Variants in GABRB1 observed in about 807,000 individuals in gnomAD.
The protein encoded by GABRB1 is gamma-aminobutyric acid receptor subunit beta-1.
In GABRB1, 17 loss-of-function variants were observed where a neutral mutation model predicts 51.6. The observed-to-expected ratio is 0.33, with a 90% CI of 0.23 to 0.49. The LOEUF is 0.49. Ranked by LOEUF, GABRB1 falls within the 20% of genes least tolerant of loss-of-function variation. The pLI is 0.99. For missense variants in GABRB1, 410 were observed against 600.6 expected (o/e 0.68, Z 3.32); for synonymous variants, 247 against 218.9 (o/e 1.13, Z -1.14).
intron 3 of GABRB1, among the ~76,000 whole-genome samples, chr4:47,123,812 T>A (rs28415971): frequency 1.1e-5 from 1 of 90,778 alleles, no homozygotes; most frequent in African/African-American, 4.5e-5. Flanking sequence ...TATCATATAT[T>A]ATATATTATA....
intron 1 of GABRB1, among the ~76,000 whole-genome samples, chr4:47,019,481 A>G (rs951069293): frequency 1.7e-5 from 2 of 114,950 alleles, no homozygotes; most frequent in Non-Finnish European, 4.0e-5. Flanking sequence ...GGCTTGAACA[A>G]TGGAAATTTA....
chr4:47,230,507 A>C (rs778660453), intron 4 of GABRB1, among the ~76,000 whole-genome samples: 5 of 152,192 alleles, frequency 3.3e-5, no homozygotes, highest in Non-Finnish European at 7.3e-5. Context: ...GGAAGGGCTA[A>C]AAATTCAGTA....
chr4:47,378,567 C>T (rs990449786), intron 5 of GABRB1, among the ~76,000 whole-genome samples: 7 of 152,206 alleles, frequency 4.6e-5, no homozygotes, highest in Admixed American at 1.3e-4. Context: ...GCAGAGGAGG[C>T]GCCGAGAGCC....
chr4:47,067,286 A>T (rs1353259757), intron 3 of GABRB1, among the ~76,000 whole-genome samples: 1 of 152,184 alleles, frequency 6.6e-6, no homozygotes, highest in African/African-American at 2.4e-5. Flanking sequence ...GGATTTTCAG[A>T]ATGGTAAATA....
chr4:47,116,267 T>C (rs1458651363), intron 3 of GABRB1, among the ~76,000 whole-genome samples: 1 of 152,124 alleles, frequency 6.6e-6, no homozygotes, highest in Non-Finnish European at 1.5e-5. Flanking sequence ...GCTAGTGAAG[T>C]ATTTGGAGGT....
intron 8 of GABRB1, among the ~76,000 whole-genome samples, chr4:47,409,598 G>T (rs1028293097): frequency 6.6e-6 from 1 of 152,158 alleles, no homozygotes; most frequent in Non-Finnish European, 1.5e-5. Context: ...CAGTATGGGG[G>T]GCATGGTGGG....
chr4:47,032,950 G>C, intron 3 of GABRB1: 3 of 351,856 alleles, frequency 8.5e-6, no homozygotes, highest in South Asian at 6.3e-5. Flanking sequence ...GCCACCGAGA[G>C]CACAGTCTGG....
chr4:47,095,436 C>T (rs758402432), intron 3 of GABRB1, among the ~76,000 whole-genome samples: 7 of 152,262 alleles, frequency 4.6e-5, no homozygotes, highest in African/African-American at 1.2e-4. Context: ...ATAATGGCTA[C>T]GTCTGCGAAG....
At chr4:47,298,082 G>A (rs1370459131) in intron 4 of GABRB1, among the ~76,000 whole-genome samples, 1 of 152,086 alleles carries the variant, frequency 6.6e-6, no homozygotes. Flanking sequence ...GTATTGATGG[G>A]ACGTATCTCA....
At chr4:47,318,298 A>C (rs543628008) in intron 4 of GABRB1, among the ~76,000 whole-genome samples, 1 of 152,000 alleles carries the variant, frequency 6.6e-6, no homozygotes, top group Non-Finnish European at 1.5e-5. Context: ...AGCTGTTATT[A>C]TCTCATGACC....
At chr4:47,097,876 A>T (rs1010952946) in intron 3 of GABRB1, among the ~76,000 whole-genome samples, 4 of 152,172 alleles carry the variant, frequency 2.6e-5, no homozygotes, top group Non-Finnish European at 5.9e-5. Flanking sequence ...TTAGGCTCAC[A>T]ATTAGCCTTT....
chr4:47,063,420 G>A lies in GABRB1; in HGVS notation c.240+30936G>A, dbSNP rs554288146. On this transcript the variant is annotated intron_variant, in intron 3 of 8. Coordinates refer to ENST00000295454, the MANE Select transcript of GABRB1 (RefSeq NM_000812.4). ...ATTAAATAACTGTCTGCTACATGTC[G>A]GCACAATGGATGGTAGCTGTGTCCT... Among the ~76,000 whole-genome samples the A allele has an allele frequency of 5.3e-5, 8 of 152,160 alleles. 1 individual carries two copies. Among genetic ancestry groups the A allele is most frequent in the African/African-American group, 1.2e-4 (5 of 41,500 alleles).
chr4:47,159,943 A>G (rs1359844058), intron 3 of GABRB1, among the ~76,000 whole-genome samples: 1 of 152,110 alleles, frequency 6.6e-6, no homozygotes, highest in East Asian at 1.9e-4. Context: ...TGTCTTAGAA[A>G]AAGTGAACTT....
At chr4:47,077,949 T>A (rs1340904939) in intron 3 of GABRB1, among the ~76,000 whole-genome samples, 2 of 96,194 alleles carry the variant, frequency 2.1e-5, no homozygotes, top group African/African-American at 7.6e-5. Flanking sequence ...TTTATATATA[T>A]TATATATTTT....
At chr4:47,377,345 C>T (rs1335757995) in intron 5 of GABRB1, among the ~76,000 whole-genome samples, 1 of 151,416 alleles carries the variant, frequency 6.6e-6, no homozygotes, top group East Asian at 1.9e-4. Flanking sequence ...GGACCCTCGC[C>T]GTGAGTGTTA....
intron 4 of GABRB1, among the ~76,000 whole-genome samples, chr4:47,227,478 T>C (rs188977046): frequency 6.6e-6 from 1 of 152,242 alleles, no homozygotes; most frequent in Admixed American, 6.6e-5. Context: ...CAGAAACACC[T>C]GTGACAGAGT....
intron 3 of GABRB1, among the ~76,000 whole-genome samples, chr4:47,052,146 A>C (rs759082205): frequency 5.9e-5 from 9 of 152,128 alleles, no homozygotes; most frequent in Admixed American, 2.6e-4. Flanking sequence ...TAAATAAATA[A>C]GATAAAGTAT....
chr4:47,200,259 G>A (rs1489753746), intron 4 of GABRB1, among the ~76,000 whole-genome samples: 1 of 152,070 alleles, frequency 6.6e-6, no homozygotes, highest in Non-Finnish European at 1.5e-5. Context: ...CATGGGGAGT[G>A]GTATGCTTGC....
chr4:47,049,322 C>A (rs1365776243), intron 3 of GABRB1, among the ~76,000 whole-genome samples: 1 of 152,126 alleles, frequency 6.6e-6, no homozygotes, highest in African/African-American at 2.4e-5. Flanking sequence ...TTCCAGGATT[C>A]TCTAATGGGG....
Sources: allele counts gnomAD v4.1 joint callset (sites outside exome capture counted in the v4.1 genomes callset), GRCh38; gene constraint gnomAD v4.1.1; transcripts MANE v1.5; gene names NCBI Gene and HGNC (gene_info 2026-07-23, HGNC 2026-07-21).